Variants in ZC3H15 observed in about 807,000 individuals in gnomAD.
The protein encoded by ZC3H15 is zinc finger CCCH-type containing 15.
In ZC3H15, 15 loss-of-function variants were observed where a neutral mutation model predicts 51.2. The observed-to-expected ratio is 0.29, with a 90% CI of 0.20 to 0.45. ZC3H15 has a LOEUF of 0.45. Ranked by LOEUF, ZC3H15 falls within the 20% of genes least tolerant of loss-of-function variation. The pLI is 1.00. For synonymous variants in ZC3H15, 144 were observed against 162.8 expected (o/e 0.88, Z 0.88); for missense variants, 381 against 494.7 (o/e 0.77, Z 2.18).
At chr2:186,490,473 A>T (rs562792321) in intron 1 of ZC3H15, among the ~76,000 whole-genome samples, 85 of 152,330 alleles carry the variant, frequency 5.6e-4, no homozygotes, top group African/African-American at 2.0e-3. Context: ...ACAGCTACCA[A>T]TAGCCAAAAT....
chr2:186,508,485 TA>T, intron 9 of ZC3H15, 57 bp from the exon 10 acceptor site: 1 of 1,480,048 alleles, frequency 6.8e-7, no homozygotes, highest in Non-Finnish European at 9.4e-7. Context: ...TGTCTATTGC[TA>T]ATGTGGAATG....
At position 186,508,649 on chromosome 2, in the gene ZC3H15, T is replaced by C. The variant is rs1263261235; in HGVS notation, c.1197T>C (p.Ala399=). 1 of 1,614,030 alleles carries C rather than the reference T, an allele frequency of 6.2e-7. No homozygotes were observed. Among genetic ancestry groups the C allele is most frequent in the East Asian group, 2.2e-5 (1 of 44,880 alleles). Residue 399 remains alanine (A), a synonymous_variant, in exon 10 of 10, where the codon GCT becomes GCC. Coordinates refer to ENST00000337859, the MANE Select transcript of ZC3H15 (RefSeq NM_018471.3). ...REGTENGAID[A]VPVDENLFTG... is the part of the protein sequence containing the mutation. ...GAACGGAAAATGGAGCCATTGATGC[T>C]GTTCCTGTTGATGAAAATCTTTTCA...
chr2:186,509,192 T>C lies in ZC3H15; in HGVS notation c.*459T>C. 1 of 320,096 alleles carries C rather than the reference T, an allele frequency of 3.1e-6. No individual in the cohort carries two copies. Among genetic ancestry groups the C allele is most frequent in the Non-Finnish European group, 6.1e-6 (1 of 164,852 alleles). 19.8% of individuals were successfully genotyped at this position (320,096 alleles called of 1,614,324 possible). On this transcript the variant is annotated 3_prime_UTR_variant, in exon 10 of 10. Coordinates refer to ENST00000337859, the MANE Select transcript of ZC3H15 (RefSeq NM_018471.3). ...TGTACTTCATAAAGGAAACTGCGTATGCAGATTCAGTATTGTGTATCTTTG... is the reference window on the plus strand; with the variant it reads ...TGTACTTCATAAAGGAAACTGCGTACGCAGATTCAGTATTGTGTATCTTTG...
intron 1 of ZC3H15, among the ~76,000 whole-genome samples, chr2:186,494,255 T>G (rs1466135927): frequency 6.6e-6 from 1 of 152,190 alleles, no homozygotes; most frequent in Non-Finnish European, 1.5e-5. Flanking sequence ...TGCTTTTAAT[T>G]TACATACTTT....
At chr2:186,503,416 G>C (rs1685419036) in intron 5 of ZC3H15, among the ~76,000 whole-genome samples, 1 of 152,076 alleles carries the variant, frequency 6.6e-6, no homozygotes, top group Non-Finnish European at 1.5e-5. Flanking sequence ...TGCTCTTGTT[G>C]CCCAAGCTGG....
chr2:186,503,156 T>C (rs1465145997), intron 5 of ZC3H15, among the ~76,000 whole-genome samples: 2 of 152,196 alleles, frequency 1.3e-5, no homozygotes, highest in African/African-American at 4.8e-5. Context: ...TTCTAAATAC[T>C]ACATTCATAC....
At chr2:186,505,360 G>T in intron 6 of ZC3H15, 91 bp from the exon 7 acceptor site, 2 of 1,403,476 alleles carry the variant, frequency 1.4e-6, no homozygotes, top group Non-Finnish European at 1.9e-6. Context: ...ATAGTCATGG[G>T]CAAGGAATTA....
At chr2:186,506,636 C>A in intron 8 of ZC3H15, 77 bp from the exon 9 acceptor site, 2 of 1,485,090 alleles carry the variant, frequency 1.3e-6, no homozygotes, top group Non-Finnish European at 1.8e-6. Context: ...ATAATTTTGG[C>A]TCATTAAGAT....
chr2:186,486,343 C>T lies in ZC3H15; in HGVS notation c.-40C>T. The T allele has an allele frequency of 2.6e-6, 4 of 1,517,244 alleles. No individual in the cohort carries two copies. Among genetic ancestry groups the T allele is most frequent in the South Asian group, 1.3e-5 (1 of 79,728 alleles). 94.0% of individuals were successfully genotyped at this position (1,517,244 alleles called of 1,614,324 possible). Reference sequence around the variant, plus strand: ...CAGGGCCAGAACCCCTGACGGTATTCAGCTGCGCGTAAGTCTGGCCGGTGC... The same window carrying T: ...CAGGGCCAGAACCCCTGACGGTATTTAGCTGCGCGTAAGTCTGGCCGGTGC... On this transcript the variant is annotated 5_prime_UTR_variant, in exon 1 of 10. Transcript: ENST00000337859.
chr2:186,503,756 A>C (rs1685424658), intron 5 of ZC3H15, among the ~76,000 whole-genome samples: 1 of 152,200 alleles, frequency 6.6e-6, no homozygotes, highest in Admixed American at 6.5e-5. Context: ...GAAACAAGTA[A>C]GTCATTTTCG....
At chr2:186,495,415 T>C (rs1685266605) in intron 2 of ZC3H15, 81 bp downstream of exon 2, 1 of 904,066 alleles carries the variant, frequency 1.1e-6, no homozygotes, top group Non-Finnish European at 1.5e-6. Context: ...TCTGGTATTA[T>C]TATATAATTG....
intron 1 of ZC3H15, among the ~76,000 whole-genome samples, chr2:186,487,632 A>T (rs1408354875): frequency 6.6e-6 from 1 of 152,160 alleles, no homozygotes; most frequent in Admixed American, 6.5e-5. Context: ...TTACCTTCAC[A>T]TCTGTGTTTT....
intron 5 of ZC3H15, 26 bp from the exon 6 acceptor site, chr2:186,504,006 G>A (rs10164423): frequency 0.048 from 73,495 of 1,521,298 alleles, 2,028 homozygotes; most frequent in South Asian, 0.09. Context: ...CTGAGCCACC[G>A]CTTGTGAATA....
At chr2:186,507,382 T>G (rs1200873067) in intron 9 of ZC3H15, 1 of 456,506 alleles carries the variant, frequency 2.2e-6, no homozygotes, top group African/African-American at 2.0e-5. Flanking sequence ...GTCCTCTCTC[T>G]CTTAATGTTT....
At chr2:186,493,793 C>G (rs936699640) in intron 1 of ZC3H15, among the ~76,000 whole-genome samples, 1 of 151,120 alleles carries the variant, frequency 6.6e-6, no homozygotes, top group African/African-American at 2.4e-5. Flanking sequence ...AGCAGTGTCA[C>G]TCTGTCTTCA....
rs189648257 is a variant in ZC3H15 at position 186,493,293 on chromosome 2, G to A, written c.76-1940G>A. Among the ~76,000 whole-genome samples, 26 of 152,264 alleles carry A rather than the reference G, an allele frequency of 1.7e-4. 1 individual carries two copies. The East Asian group carries it at 3.1e-3, about 18-fold the overall frequency. On this transcript the variant is annotated intron_variant, in intron 1 of 9. Transcript: ENST00000337859. ...GTCTTCTTGGAGGTGGGAGGTGGCA[G>A]AGAACAGGCCTCTCTGCTTCTGGAA...
At chr2:186,492,279 T>G (rs894113816) in intron 1 of ZC3H15, among the ~76,000 whole-genome samples, 2 of 152,218 alleles carry the variant, frequency 1.3e-5, no homozygotes, top group Non-Finnish European at 2.9e-5. Flanking sequence ...ATTTTATACT[T>G]AGTTGCTGCA....
intron 9 of ZC3H15, 81 bp from the exon 10 acceptor site, chr2:186,508,462 T>G: frequency 1.7e-6 from 2 of 1,202,544 alleles, no homozygotes; most frequent in South Asian, 2.8e-5. Flanking sequence ...GGAAGTGTAG[T>G]ATCAGTCTAT....
chr2:186,509,118 A>G lies in ZC3H15; in HGVS notation c.*385A>G, dbSNP rs1442100445. The G allele has an allele frequency of 2.2e-6, 1 of 454,328 alleles. No homozygotes were observed. Among genetic ancestry groups the G allele is most frequent in the Non-Finnish European group, 4.4e-6 (1 of 226,626 alleles). The allele number at this position is 454,328 out of a possible 1,614,324, so 28.1% of individuals were successfully genotyped here. A position where few individuals can be genotyped will look rare whatever the true frequency, so the allele number is the denominator to read the frequency against. ...TGACACAGTTTTTAATGAGTGATTT[A>G]ATTTCCTCTGTATTTGTATGTTTAG... is the stretch of plus-strand genomic sequence containing the variant. On this transcript the variant is annotated 3_prime_UTR_variant, in exon 10 of 10. Transcript: ENST00000337859.
Sources: gnomAD v4.1 joint callset for allele counts (sites outside exome capture counted in the v4.1 genomes callset) on GRCh38, gnomAD v4.1.1 for gene constraint, MANE v1.5 for transcripts, NCBI Gene and HGNC (gene_info 2026-07-23, HGNC 2026-07-21) for gene names.